TNR: variants seen among roughly 807,000 people sequenced by gnomAD.
TNR encodes the protein tenascin R, also known as tenascin-R.
Under a neutral mutation model 150.4 loss-of-function variants are expected in TNR, and 45 were observed. That is an observed-to-expected ratio of 0.30 (90% confidence interval 0.24 to 0.38). The LOEUF is 0.38. Ranked by LOEUF, TNR falls within the 10% of genes least tolerant of loss-of-function variation. The pLI, the probability that TNR is intolerant of heterozygous loss-of-function variation, is 1.00. For missense variants in TNR, 1,544 were observed against 1,759.1 expected, an observed-to-expected ratio of 0.88 and a Z score of 2.19; for synonymous variants, 687 against 678.4, an observed-to-expected ratio of 1.01 and a Z score of -0.20.
intron 2 of TNR, among the ~76,000 whole-genome samples, chr1:175,458,694 A>G (rs1656676223): frequency 6.6e-6 from 1 of 152,238 alleles, no homozygotes; most frequent in African/African-American, 2.4e-5. Flanking sequence ...ATTTTGTGAT[A>G]CACAAATTTG....
intron 18 of TNR, among the ~76,000 whole-genome samples, chr1:175,343,006 G>C (rs1349809336): frequency 1.3e-5 from 2 of 152,160 alleles, no homozygotes; most frequent in Non-Finnish European, 2.9e-5. Flanking sequence ...GCAAGGGAGG[G>C]CTGGGTCCTG....
At chr1:175,633,293 G>T (rs10913036) in intron 1 of TNR, among the ~76,000 whole-genome samples, 45,674 of 151,918 alleles carry the variant, frequency 0.3, 8,411 homozygotes, top group East Asian at 0.53. Flanking sequence ...GCCAAGACTT[G>T]GTCTTATGTT....
At chr1:175,562,091 A>G (rs1661453404) in intron 1 of TNR, among the ~76,000 whole-genome samples, 1 of 152,204 alleles carries the variant, frequency 6.6e-6, no homozygotes, top group Non-Finnish European at 1.5e-5. Flanking sequence ...TCCTTGGCAA[A>G]AGAGGCTACA....
chr1:175,407,423 G>C (rs1654016069), intron 2 of TNR, among the ~76,000 whole-genome samples: 3 of 152,118 alleles, frequency 2.0e-5, no homozygotes. Flanking sequence ...TGACCACCAG[G>C]TGCTTTTCTT....
chr1:175,489,630 T>G (rs1324958109), intron 2 of TNR, among the ~76,000 whole-genome samples: 1 of 152,192 alleles, frequency 6.6e-6, no homozygotes, highest in Non-Finnish European at 1.5e-5. Flanking sequence ...TGTTAGCTAT[T>G]TGATGTTGTG....
chr1:175,727,190 T>G (rs1313622122), intron 1 of TNR, among the ~76,000 whole-genome samples: 2 of 152,244 alleles, frequency 1.3e-5, no homozygotes, highest in Non-Finnish European at 2.9e-5. Flanking sequence ...GTGAATCTTT[T>G]TAGAAGGTAC....
chr1:175,593,869 G>C (rs1006254057), intron 1 of TNR, among the ~76,000 whole-genome samples: 10 of 152,180 alleles, frequency 6.6e-5, no homozygotes, highest in Non-Finnish European at 2.9e-5. Context: ...TGGGGCACAG[G>C]CAGCATATTT....
At chr1:175,725,045 G>A (rs1405457571) in intron 1 of TNR, among the ~76,000 whole-genome samples, 1 of 152,214 alleles carries the variant, frequency 6.6e-6, no homozygotes, top group Non-Finnish European at 1.5e-5. Context: ...ACTTTTGCCT[G>A]TGTCCTAAGA....
chr1:175,556,991 A>G (rs1661185957), intron 1 of TNR, among the ~76,000 whole-genome samples: 1 of 152,196 alleles, frequency 6.6e-6, no homozygotes, highest in Non-Finnish European at 1.5e-5. Flanking sequence ...GTTTTGATGA[A>G]GCAAGAAGGC....
chr1:175,474,745 T>C (rs1031181734), intron 2 of TNR, among the ~76,000 whole-genome samples: 5 of 152,198 alleles, frequency 3.3e-5, no homozygotes, highest in African/African-American at 9.6e-5. Context: ...ACATGCTGCA[T>C]GAGGAGGCTG....
At chr1:175,684,519 G>A (rs1666130169) in intron 1 of TNR, among the ~76,000 whole-genome samples, 1 of 152,192 alleles carries the variant, frequency 6.6e-6, no homozygotes, top group African/African-American at 2.4e-5. Context: ...AAAGCCCAGA[G>A]AAGTGGTATA....
intron 1 of TNR, among the ~76,000 whole-genome samples, chr1:175,728,506 T>C (rs1667541910): frequency 6.6e-6 from 1 of 152,250 alleles, no homozygotes; most frequent in Admixed American, 6.5e-5. Context: ...TTTAAGGAAC[T>C]CTGCTGAAGC....
intron 1 of TNR, among the ~76,000 whole-genome samples, chr1:175,730,871 C>T (rs1009526225): frequency 6.6e-6 from 1 of 152,072 alleles, no homozygotes; most frequent in Admixed American, 6.5e-5. Context: ...CAGGCTTTGT[C>T]TTCTGTGGTT....
At chr1:175,453,854 T>C (rs1345545862) in intron 2 of TNR, among the ~76,000 whole-genome samples, 1 of 152,208 alleles carries the variant, frequency 6.6e-6, no homozygotes. Context: ...GTTACAGTCA[T>C]GAGCCACTGT....
intron 1 of TNR, among the ~76,000 whole-genome samples, chr1:175,637,786 C>G (rs1362863821): frequency 6.6e-6 from 1 of 152,184 alleles, no homozygotes; most frequent in African/African-American, 2.4e-5. Flanking sequence ...GGCTCCTTTT[C>G]ATTGTCTAAA....
chr1:175,620,630 G>A (rs1663940635), intron 1 of TNR, among the ~76,000 whole-genome samples: 1 of 152,188 alleles, frequency 6.6e-6, no homozygotes, highest in Non-Finnish European at 1.5e-5. Context: ...GTATGATTGG[G>A]CAGAGCAGTG....
chr1:175,578,092 T>C (rs1317687029), intron 1 of TNR, among the ~76,000 whole-genome samples: 1 of 152,130 alleles, frequency 6.6e-6, no homozygotes, highest in Admixed American at 6.6e-5. Flanking sequence ...TTGTTATTAG[T>C]AGTGAATAGA....
At chr1:175,455,220 A>G (rs1656515993) in intron 2 of TNR, among the ~76,000 whole-genome samples, 1 of 152,240 alleles carries the variant, frequency 6.6e-6, no homozygotes, top group Non-Finnish European at 1.5e-5. Flanking sequence ...CCCAGAGACC[A>G]GCTAGTTACA....
chr1:175,581,961 C>T (rs1386685514), intron 1 of TNR, among the ~76,000 whole-genome samples: 6 of 152,090 alleles, frequency 3.9e-5, no homozygotes, highest in Non-Finnish European at 8.8e-5. Flanking sequence ...TAGACTAGAG[C>T]AAAACCAATC....
Sources: gnomAD v4.1 joint callset for allele counts (sites outside exome capture counted in the v4.1 genomes callset) on GRCh38, gnomAD v4.1.1 for gene constraint, MANE v1.5 for transcripts, NCBI Gene and HGNC (gene_info 2026-07-23, HGNC 2026-07-21) for gene names.